Variants in TMEM25 observed in about 807,000 individuals in gnomAD.
TMEM25 encodes transmembrane protein 25.
A neutral mutation model predicts 37.0 loss-of-function variants in TMEM25; 36 were observed. The observed-to-expected ratio is 0.97, with a 90% CI of 0.75 to 1.28. The LOEUF is 1.28. TMEM25 is among the 50% of genes most tolerant of loss of function. The pLI is 0.00. For synonymous variants in TMEM25, 197 were observed against 203.7 expected, an observed-to-expected ratio of 0.97 and a Z score of 0.28; for missense variants, 444 against 477.9, an observed-to-expected ratio of 0.93 and a Z score of 0.66.
intron 4 of TMEM25, 100 bp from the exon 5 acceptor site, chr11:118,533,320 G>A: frequency 6.3e-7 from 1 of 1,578,714 alleles, no homozygotes; most frequent in Non-Finnish European, 8.6e-7. Flanking sequence ...TGGATGAACT[G>A]TCCCCAGCCA....
intron 5 of TMEM25, 73 bp from the exon 6 acceptor site, chr11:118,533,784 G>A (rs1951408815): frequency 6.2e-7 from 1 of 1,610,414 alleles, no homozygotes; most frequent in Admixed American, 1.7e-5. Flanking sequence ...GAGGGTCCTG[G>A]GTCTGAAAGG....
At position 118,546,114 on chromosome 11, in the gene TMEM25, T is replaced by C. The variant is rs1233240181; in HGVS notation, c.1028-5T>C. 1.1e-5 allele frequency: 8 copies of C among 718,356 alleles called. No homozygotes were observed. In the African/African-American group the frequency reaches 1.4e-4, roughly 13 times the overall value. 44.5% of individuals were successfully genotyped at this position (718,356 alleles called of 1,614,324 possible). Reference sequence around the variant, plus strand: ...CTTAATCCAGTATGACTGGTGTCCTTATAGGAAGAAGAAATCAGGACAAAG... The same window carrying C: ...CTTAATCCAGTATGACTGGTGTCCTCATAGGAAGAAGAAATCAGGACAAAG... On this transcript the variant is annotated splice_region_variant and splice_polypyrimidine_tract_variant and intron_variant, in intron 8 of 8. Coordinates refer to the TMEM25 transcript ENST00000354284.
At position 118,532,216 on chromosome 11, in the gene TMEM25, A is replaced by G; in HGVS notation, c.137A>G (p.Glu46Gly). 1 of 1,611,302 alleles carries G rather than the reference A, an allele frequency of 6.2e-7. No individual in the cohort carries two copies. The highest frequency in any genetic ancestry group is 1.7e-4 in the Middle Eastern group (1 of 6,034). The change falls in exon 3 of 9, where the codon GAA (glutamate) becomes GGA (glycine). Residue 46 changes from glutamate to glycine, a missense_variant. By Grantham distance (98) the Glu-to-Gly change is moderately conservative (BLOSUM62 -2). Transcript: ENST00000313236. ...TWAERALRENERHAFTCRVAG... is the reference protein window; with the variant it reads ...TWAERALRENGRHAFTCRVAG... The stretch of plus-strand genomic sequence containing the variant: ...GCTGAGCGGGCACTTCGGGAGAATG[A>G]ACGCCACGCCTTCACCTGCCGGGTG...
At chr11:118,533,725 A>G in intron 5 of TMEM25, 132 bp from the exon 6 acceptor site, 3 of 1,569,876 alleles carry the variant, frequency 1.9e-6, no homozygotes, top group Non-Finnish European at 2.6e-6. Context: ...CTGGGAACCC[A>G]GTCTCTGGCC....
At chr11:118,546,508 G>A, downstream of TMEM25, 2 of 215,866 alleles carry the variant, frequency 9.3e-6, no homozygotes, top group Non-Finnish European at 1.9e-5. Context: ...AAGGAAGGGA[G>A]GGAGGGAATC....
downstream of TMEM25, among the ~76,000 whole-genome samples, chr11:118,536,022 C>T (rs915589432): frequency 2.7e-4 from 41 of 151,766 alleles, no homozygotes; most frequent in African/African-American, 7.3e-4. Flanking sequence ...GGACTGTAGA[C>T]GCCTACCACC....
In TMEM25 at chr11:118,533,081, G is replaced by A; in HGVS notation, c.547G>A (p.Asp183Asn). Reference sequence around the variant, plus strand: ...CAACACCTCTGACTTCCTGGTGCTGGATGCGCAGAACTACCCCTGGCTCAC... The same window carrying A: ...CAACACCTCTGACTTCCTGGTGCTGAATGCGCAGAACTACCCCTGGCTCAC... The part of the protein sequence containing the change: ...TVNTSDFLVL[D>N]AQNYPWLTNH... Residue 183 changes from aspartate to asparagine, a missense_variant, in exon 4 of 9, where the codon GAT becomes AAT. Transcript: ENST00000313236. 1 of 1,614,036 alleles carries A rather than the reference G, an allele frequency of 6.2e-7. No homozygotes were observed. Among genetic ancestry groups the A allele is most frequent in the Non-Finnish European group, 8.5e-7 (1 of 1,180,024 alleles).
rs559101853 is a variant in TMEM25, at chr11:118,534,337, G to A, written c.1009G>A (p.Gly337Ser). 36 of 1,613,974 alleles carry A rather than the reference G, an allele frequency of 2.2e-5. No individual in the cohort carries two copies. In the South Asian group the frequency reaches 2.3e-4, roughly 10 times the overall value. The stretch of plus-strand genomic sequence containing the variant: ...AGAGCTTCTGGACCCGGAGCCCGGC[G>A]GCCTCCTCACCAGCCAAGGTACTGG... The part of the protein sequence containing the change: ...RPELLDPEPG[G>S]LLTSQGFIRL... The change falls in exon 8 of 9, where the codon GGC (glycine) becomes AGC (serine). Residue 337 changes from glycine (G) to serine (S), a missense_variant. Transcript: ENST00000313236. The surrounding 1 kb of genome is among the most constrained non-coding windows in gnomAD (Gnocchi z 4.6).
chr11:118,544,068 A>G (rs892273845), intron 8 of TMEM25, among the ~76,000 whole-genome samples: 4 of 152,190 alleles, frequency 2.6e-5, no homozygotes, highest in African/African-American at 9.7e-5. Flanking sequence ...TGGGCCTCCC[A>G]AAGTTCTGGG....
At chr11:118,536,799 A>AT (rs1188182727), downstream of TMEM25, among the ~76,000 whole-genome samples, 38 of 151,500 alleles carry the variant, frequency 2.5e-4, no homozygotes, top group East Asian at 1.2e-3. Flanking sequence ...CTGGGATGTG[A>AT]TTTTTTTTTG....
In TMEM25 at chr11:118,531,920, C is replaced by G. The variant is rs782368104; in HGVS notation, c.70+49C>G. On this transcript the variant is annotated intron_variant, in intron 2 of 8. Transcript: ENST00000313236. Reference sequence around the variant, plus strand: ...CCAAGTCCTTCTGGGTTCCAAAGCCCCCTCTCTCCCCTGTCTGCACTTCTG... The same window carrying G: ...CCAAGTCCTTCTGGGTTCCAAAGCCGCCTCTCTCCCCTGTCTGCACTTCTG... The G allele has an allele frequency of 3.9e-6, 6 of 1,543,700 alleles. No individual in the cohort carries two copies. In the African/African-American group the frequency reaches 5.5e-5, roughly 14 times the overall value.
chr11:118,533,035 C>A lies in TMEM25; in HGVS notation c.501C>A (p.Asp167Glu), dbSNP rs781912342. 2 of 1,614,248 alleles carry A rather than the reference C, an allele frequency of 1.2e-6. No homozygotes were observed. Among genetic ancestry groups the A allele is most frequent in the Non-Finnish European group, 1.7e-6 (2 of 1,180,044 alleles). The stretch of plus-strand genomic sequence containing the variant: ...CGCCGGCCAATGTCACCTGGATCGA[C>A]CAGGATGGGCCAGTGACTGTCAACA... ...ANPPANVTWI[D>E]QDGPVTVNTS... The change falls in exon 4 of 9, where the codon GAC becomes GAA. Residue 167 changes from aspartate to glutamate, a missense_variant. By Grantham distance (45) the Asp-to-Glu change is conservative. Coordinates refer to ENST00000313236, the MANE Select transcript of TMEM25 (RefSeq NM_032780.4).
downstream of TMEM25, among the ~76,000 whole-genome samples, chr11:118,537,912 G>C (rs1207877427): frequency 1.3e-5 from 2 of 151,872 alleles, no homozygotes; most frequent in African/African-American, 4.8e-5. Flanking sequence ...TTAGCTGGGC[G>C]TGGTGGTGTG....
At chr11:118,533,773 T>A in intron 5 of TMEM25, 84 bp from the exon 6 acceptor site, 1 of 1,605,608 alleles carries the variant, frequency 6.2e-7, no homozygotes, top group Non-Finnish European at 8.5e-7. Context: ...ACCCCTTGCC[T>A]GAGGGTCCTG....
chr11:118,535,386 C>T lies in TMEM25; in HGVS notation c.*806C>T, dbSNP rs1951483880. On this transcript the variant is annotated 3_prime_UTR_variant, in exon 9 of 9. Coordinates refer to ENST00000313236, the MANE Select transcript of TMEM25 (RefSeq NM_032780.4). Reference sequence around the variant, plus strand: ...TCCTACGGCGTTAGCACTTTAAGCACATCCCCTAGGGGAGGGGGTGAGTGA... The same window carrying T: ...TCCTACGGCGTTAGCACTTTAAGCATATCCCCTAGGGGAGGGGGTGAGTGA... The T allele has an allele frequency of 7.0e-7, 1 of 1,418,800 alleles. No individual in the cohort carries two copies. The highest frequency in any genetic ancestry group is 9.2e-7 in the Non-Finnish European group (1 of 1,089,942). 87.9% of individuals were successfully genotyped at this position (1,418,800 alleles called of 1,614,324 possible).
chr11:118,546,182 C>G, exon 9 of TMEM25: 1 of 718,110 alleles, frequency 1.4e-6, no homozygotes, highest in Non-Finnish European at 2.6e-6. Context: ...CAGAAGATGG[C>G]CAAGAAGAGA....
rs1056884949 is a variant in TMEM25, at chr11:118,535,288, G to A, written c.*708G>A. 7 of 1,292,532 alleles carry A rather than the reference G, an allele frequency of 5.4e-6. No homozygotes were observed. The Admixed American group carries it at 2.5e-4, about 46-fold the overall frequency. The allele number at this position is 1,292,532 out of a possible 1,614,324, so 80.1% of individuals were successfully genotyped here. ...TGGCCTGTGCCATCGCCCAGTATTA[G>A]CACAAGTTAGGGAGGAAGAGGCAGG... On this transcript the variant is annotated 3_prime_UTR_variant, in exon 9 of 9. Transcript: ENST00000313236.
Position 118,534,319 on chromosome 11 carries a change from C to T in TMEM25, c.991C>T (p.Leu331=), listed in dbSNP as rs782520339. The T allele has an allele frequency of 6.2e-7, 1 of 1,614,190 alleles. No homozygotes were observed. The highest frequency in any genetic ancestry group is 1.1e-5 in the South Asian group (1 of 91,074). The change falls in exon 8 of 9, where the codon CTG becomes TTG. Residue 331 remains leucine, a synonymous_variant. Transcript: ENST00000313236. This position sits in a 1 kb window ranked among gnomAD's most constrained non-coding sequence, Gnocchi z 4.6. ...TCAGAACAACAGCCGGCCAGAGCTTCTGGACCCGGAGCCCGGCGGCCTCCT... is the reference window on the plus strand; with the variant it reads ...TCAGAACAACAGCCGGCCAGAGCTTTTGGACCCGGAGCCCGGCGGCCTCCT... ...MAQNNSRPEL[L]DPEPGGLLTS...
chr11:118,531,956 C>T, intron 2 of TMEM25, 85 bp downstream of exon 2: 18 of 1,482,756 alleles, frequency 1.2e-5, no homozygotes, highest in Non-Finnish European at 1.6e-5. Flanking sequence ...TTTGGGTACC[C>T]ACTCCAGGCC....
Sources: allele counts gnomAD v4.1 joint callset (sites outside exome capture counted in the v4.1 genomes callset), GRCh38; gene constraint gnomAD v4.1.1; non-coding constraint Gnocchi (gnomAD v3.1); transcripts MANE v1.5; gene names NCBI Gene and HGNC (gene_info 2026-07-23, HGNC 2026-07-21).